ANKS1B: variants seen among roughly 807,000 people sequenced by gnomAD.
ANKS1B encodes the protein ankyrin repeat and sterile alpha motif domain-containing protein 1B.
ANKS1B carries 36 observed loss-of-function variants against 148.3 expected under a neutral mutation model. That is an observed-to-expected ratio of 0.24 (90% CI 0.19 to 0.32). The LOEUF is 0.32. Ranked by LOEUF, ANKS1B falls within the 10% of genes least tolerant of loss-of-function variation. ANKS1B has a pLI of 1.00. For synonymous variants in ANKS1B, 542 were observed against 560.8 expected (o/e 0.97, Z 0.47); for missense variants, 1,157 against 1,542.6 (o/e 0.75, Z 4.19).
chr12:98,884,653 G>T (rs1350442398), intron 17 of ANKS1B, among the ~76,000 whole-genome samples: 3 of 151,514 alleles, frequency 2.0e-5, no homozygotes, highest in East Asian at 1.9e-4. Flanking sequence ...CAAAAAATTA[G>T]CCGGGCGCGG....
At chr12:99,591,018 C>A (rs1399056514) in intron 9 of ANKS1B, among the ~76,000 whole-genome samples, 2 of 149,202 alleles carry the variant, frequency 1.3e-5, no homozygotes, top group Non-Finnish European at 3.0e-5. Flanking sequence ...ATTTTAAGTT[C>A]TTTCGGGTAA....
At chr12:98,810,221 T>C (rs891079368) in intron 19 of ANKS1B, among the ~76,000 whole-genome samples, 7 of 152,236 alleles carry the variant, frequency 4.6e-5, no homozygotes, top group Admixed American at 1.3e-4. Flanking sequence ...CTAGTTCTGG[T>C]TGGTCTACAG....
intron 16 of ANKS1B, among the ~76,000 whole-genome samples, chr12:99,065,666 T>C (rs1382351083): frequency 8.0e-6 from 1 of 125,310 alleles, no homozygotes; most frequent in Non-Finnish European, 1.9e-5. Context: ...CATCCATCCA[T>C]CCATCCATCC....
intron 8 of ANKS1B, among the ~76,000 whole-genome samples, chr12:99,685,943 G>T (rs1250150553): frequency 1.3e-5 from 2 of 152,008 alleles, no homozygotes; most frequent in African/African-American, 2.4e-5. Flanking sequence ...AGATACAAAG[G>T]CATAAGAATG....
intron 25 of ANKS1B, among the ~76,000 whole-genome samples, chr12:98,752,776 C>A (rs761712769): frequency 6.6e-6 from 1 of 151,894 alleles, no homozygotes; most frequent in East Asian, 1.9e-4. Flanking sequence ...GGGGTTACTA[C>A]TGGTATTTCT....
intron 17 of ANKS1B, among the ~76,000 whole-genome samples, chr12:98,897,398 A>G (rs2099766246): frequency 6.6e-6 from 1 of 152,152 alleles, no homozygotes; most frequent in Non-Finnish European, 1.5e-5. Flanking sequence ...AGCATTAAAA[A>G]CCGGGCAAAG....
Position 99,545,526 on chromosome 12 carries a change from T to C in ANKS1B, c.1273-40885A>G, listed in dbSNP as rs982814950. On this transcript the variant is annotated intron_variant, in intron 9 of 26. Coordinates refer to ENST00000683438, the MANE Select transcript of ANKS1B (RefSeq NM_001352186.2). ...TGGGAGGCAAAGGGGTTATTGGCTA[T>C]TGAAGTGTTTGCTGTTGATGAAGAA... 5.9e-5 allele frequency among the ~76,000 whole-genome samples: 9 copies of C among 152,194 alleles called. No homozygotes were observed. The South Asian group carries it at 1.9e-3, about 32-fold the overall frequency.
chr12:99,302,635 C>T (rs1287461972), intron 12 of ANKS1B, among the ~76,000 whole-genome samples: 1 of 152,076 alleles, frequency 6.6e-6, no homozygotes, highest in Non-Finnish European at 1.5e-5. Flanking sequence ...AAAAATTCAT[C>T]TAAGAATCTT....
intron 1 of ANKS1B, among the ~76,000 whole-genome samples, chr12:99,936,943 A>C (rs2094791052): frequency 6.6e-6 from 1 of 152,228 alleles, no homozygotes; most frequent in South Asian, 2.1e-4. Context: ...GGAAACAGGT[A>C]CATAGGTAAC....
At position 99,263,380 on chromosome 12, in the gene ANKS1B, TTTTAGA is replaced by T. The variant is rs2076123042; in HGVS notation, c.1757-16522_1757-16517del. Among the ~76,000 whole-genome samples, 3 of 152,112 alleles carry T rather than the reference TTTTAGA, an allele frequency of 2.0e-5. No homozygotes were observed. In the South Asian group the frequency reaches 6.2e-4, roughly 32 times the overall value. On this transcript the variant is annotated intron_variant, in intron 12 of 26. Transcript: ENST00000683438. ...TTTTATACCTTCTCTTTTCAATTTCTTTTAGATTTATAGTGTTACAACAATATTGAG... is the reference window on the plus strand; with the variant it reads ...TTTTATACCTTCTCTTTTCAATTTCTTTTATAGTGTTACAACAATATTGAG...
intron 16 of ANKS1B, among the ~76,000 whole-genome samples, chr12:99,080,180 G>A (rs546753885): frequency 1.3e-5 from 2 of 152,274 alleles, no homozygotes; most frequent in East Asian, 1.9e-4. Context: ...AAAATCCAGC[G>A]CTTCAGTGTT....
intron 16 of ANKS1B, among the ~76,000 whole-genome samples, chr12:99,071,996 C>G (rs766159503): frequency 6.6e-6 from 1 of 152,182 alleles, no homozygotes; most frequent in Non-Finnish European, 1.5e-5. Flanking sequence ...AACACCTTCT[C>G]TTCTAGCTTC....
At chr12:99,921,870 T>C (rs2094364086) in intron 1 of ANKS1B, among the ~76,000 whole-genome samples, 1 of 152,134 alleles carries the variant, frequency 6.6e-6, no homozygotes, top group Non-Finnish European at 1.5e-5. Flanking sequence ...ATATAAACTT[T>C]TTTTTTTACT....
At chr12:99,117,383 A>G (rs921533344) in intron 15 of ANKS1B, among the ~76,000 whole-genome samples, 2 of 152,194 alleles carry the variant, frequency 1.3e-5, no homozygotes, top group Admixed American at 6.5e-5. Context: ...ATCAATACCT[A>G]GCTTATTGAG....
rs187380273 is a variant in ANKS1B at position 99,317,392 on chromosome 12, T to C, written c.1757-70528A>G. Among the ~76,000 whole-genome samples the C allele has an allele frequency of 1.5e-3, 224 of 152,316 alleles. 2 individuals carry two copies. Among genetic ancestry groups the C allele is most frequent in the Admixed American group, 2.6e-3 (39 of 15,294 alleles). ...AGAGGTCCTTCATGTTCCTTGTAAG[T>C]TGGATTCCTAGGTATTTTATTCTCT... On this transcript the variant is annotated intron_variant, in intron 12 of 26. Coordinates refer to ENST00000683438, the MANE Select transcript of ANKS1B (RefSeq NM_001352186.2).
chr12:99,676,081 A>ATG (rs2098566619), intron 8 of ANKS1B, among the ~76,000 whole-genome samples: 1 of 152,076 alleles, frequency 6.6e-6, no homozygotes, highest in Non-Finnish European at 1.5e-5. Flanking sequence ...ATAGTGAGTG[A>ATG]GTTCTGATGG....
chr12:99,308,758 T>G (rs146574887), intron 12 of ANKS1B, among the ~76,000 whole-genome samples: 1 of 151,928 alleles, frequency 6.6e-6, no homozygotes, highest in Non-Finnish European at 1.5e-5. Flanking sequence ...TATGGTATCA[T>G]TTGTTTCCAT....
intron 1 of ANKS1B, among the ~76,000 whole-genome samples, chr12:99,900,036 C>CT (rs1565956849): frequency 6.6e-6 from 1 of 151,776 alleles, no homozygotes; most frequent in Non-Finnish European, 1.5e-5. Context: ...GTAGCTGGGA[C>CT]TACAGGCACC....
intron 19 of ANKS1B, among the ~76,000 whole-genome samples, chr12:98,822,792 T>C (rs2099209696): frequency 6.6e-6 from 1 of 152,146 alleles, no homozygotes; most frequent in Admixed American, 6.5e-5. Context: ...TTGATGACCT[T>C]GACAGGGAAG....
Sources: allele counts gnomAD v4.1 joint callset (sites outside exome capture counted in the v4.1 genomes callset), GRCh38; gene constraint gnomAD v4.1.1; transcripts MANE v1.5; gene names NCBI Gene and HGNC (gene_info 2026-07-23, HGNC 2026-07-21).